TMEM234: variants seen among roughly 807,000 people sequenced by gnomAD.
The protein encoded by TMEM234 is transmembrane protein 234, also known as chromosome 1 open reading frame 91.
A neutral mutation model predicts 17.8 loss-of-function variants in TMEM234; 21 were observed. That is an observed-to-expected ratio of 1.18 (90% confidence interval 0.84 to 1.70). The LOEUF (loss-of-function observed/expected upper bound fraction) is 1.70. TMEM234 is among the 40% of genes most tolerant of loss of function. TMEM234 has a pLI of 0.00. For missense variants in TMEM234, 137 were observed against 166.9 expected, an observed-to-expected ratio of 0.82 and a Z score of 0.99; for synonymous variants, 83 against 73.5, an observed-to-expected ratio of 1.13 and a Z score of -0.66.
downstream of TMEM234, chr1:32,216,187 TACTA>T: frequency 1.2e-6 from 1 of 835,128 alleles, no homozygotes; most frequent in Admixed American, 2.9e-5. Flanking sequence ...AAAGAATACT[TACTA>T]ACCTCTTGTC....
Position 32,221,163 on chromosome 1 carries a change from G to A in TMEM234, c.203C>T (p.Ser68Phe). The change falls in exon 3 of 5, where the codon TCC becomes TTC. Residue 68 changes from serine to phenylalanine, a missense_variant. Ser to Phe is a radical substitution (Grantham distance 155). Transcript: ENST00000309777. ...LMPFLLNQCG[S>F]LLYYLTLAST... ...TGCCAAGGTGAGGTAATAGAGAAGG[G>A]ATCCACACTGGTTGAGGAGAAAGGG... 1 of 1,613,754 alleles carries A rather than the reference G, an allele frequency of 6.2e-7. No homozygotes were observed.
At chr1:32,215,668 C>T (rs1471302414), downstream of TMEM234, 4 of 1,116,422 alleles carry the variant, frequency 3.6e-6, no homozygotes, top group Admixed American at 5.4e-5. Context: ...CTCCTAACTT[C>T]CTACCTTGTT....
downstream of TMEM234, chr1:32,214,762 G>T: frequency 6.2e-7 from 1 of 1,612,070 alleles, no homozygotes; most frequent in African/African-American, 1.3e-5. Context: ...AGAATGGCCA[G>T]CAATCAGGGT....
intron 3 of TMEM234, among the ~76,000 whole-genome samples, chr1:32,220,679 A>G (rs1227644844): frequency 1.3e-5 from 2 of 152,204 alleles, no homozygotes; most frequent in Non-Finnish European, 2.9e-5. Flanking sequence ...TGTCAAGAGA[A>G]AGGAAATTTA....
At chr1:32,220,732 G>A (rs1418883540) in intron 3 of TMEM234, among the ~76,000 whole-genome samples, 4 of 152,176 alleles carry the variant, frequency 2.6e-5, no homozygotes, top group African/African-American at 9.7e-5. Context: ...TCTCCTAGAT[G>A]TTTCCCATTC....
In TMEM234 at chr1:32,216,838, G is replaced by T. The variant is rs746045850; in HGVS notation, c.*15C>A. On this transcript the variant is annotated 3_prime_UTR_variant, in exon 5 of 5. Coordinates refer to ENST00000309777, the MANE Select transcript of TMEM234 (RefSeq NM_019118.5). ...CTTCCTGGAGGCAGCAGAGCTGGAA[G>T]TGGGTTCGGCCCACTCAAAGGGTAG... is the stretch of plus-strand genomic sequence containing the variant. 1 of 1,613,910 alleles carries T rather than the reference G, an allele frequency of 6.2e-7. No individual in the cohort carries two copies. Among genetic ancestry groups the T allele is most frequent in the Non-Finnish European group, 8.5e-7 (1 of 1,179,964 alleles).
chr1:32,221,159 A>T lies in TMEM234; in HGVS notation c.207T>A (p.Leu69=). 6.2e-7 allele frequency: 1 copy of T among 1,613,540 alleles called. No homozygotes were observed. Among genetic ancestry groups the T allele is most frequent in the Non-Finnish European group, 8.5e-7 (1 of 1,179,836 alleles). ...TCGATGCCAAGGTGAGGTAATAGAGAAGGGATCCACACTGGTTGAGGAGAA... is the reference window on the plus strand; with the variant it reads ...TCGATGCCAAGGTGAGGTAATAGAGTAGGGATCCACACTGGTTGAGGAGAA... ...MPFLLNQCGS[L]LYYLTLASTD... The change falls in exon 3 of 5, where the codon CTT becomes CTA. Residue 69 remains leucine (L), a synonymous_variant. Coordinates refer to ENST00000309777, the MANE Select transcript of TMEM234 (RefSeq NM_019118.5).
intron 3 of TMEM234, among the ~76,000 whole-genome samples, chr1:32,219,390 C>A (rs1309329624): frequency 6.6e-6 from 1 of 152,048 alleles, no homozygotes; most frequent in African/African-American, 2.4e-5. Context: ...GGTTGTTTTT[C>A]GTTTTTGTTG....
intron 4 of TMEM234, 29 bp downstream of exon 4, chr1:32,217,230 C>T (rs1425128783): frequency 9.3e-6 from 15 of 1,614,092 alleles, no homozygotes; most frequent in Admixed American, 5.0e-5. Context: ...CACAGAGCTG[C>T]GTCCCGCACT....
intron 3 of TMEM234, among the ~76,000 whole-genome samples, chr1:32,218,928 G>T (rs971747652): frequency 6.6e-5 from 10 of 151,720 alleles, no homozygotes; most frequent in Non-Finnish European, 1.3e-4. Flanking sequence ...ACACAGCAAG[G>T]CTCCATCTCA....
chr1:32,221,856 C>G lies in TMEM234; in HGVS notation c.168+11G>C, dbSNP rs368009563. On this transcript the variant is annotated intron_variant, in intron 2 of 4. Transcript: ENST00000309777. Reference sequence around the variant, plus strand: ...ACTCCACCGAGAGAGGGGCCTTTCACAGAGACGCACCTCAGTATTCAAGAA... The same window carrying G: ...ACTCCACCGAGAGAGGGGCCTTTCAGAGAGACGCACCTCAGTATTCAAGAA... The G allele has an allele frequency of 5.3e-5, 86 of 1,612,882 alleles. No individual in the cohort carries two copies. Among genetic ancestry groups the G allele is most frequent in the Non-Finnish European group, 6.9e-5 (82 of 1,179,920 alleles).
downstream of TMEM234, chr1:32,215,273 G>A (rs570202498): frequency 4.7e-6 from 3 of 634,068 alleles, no homozygotes; most frequent in Admixed American, 9.4e-5. Flanking sequence ...TAGAGGGGAT[G>A]GGGGTGGGAC....
intron 2 of TMEM234, 44 bp from the exon 3 acceptor site, chr1:32,221,241 A>G (rs1488007183): frequency 6.8e-7 from 1 of 1,464,722 alleles, no homozygotes; most frequent in Non-Finnish European, 9.5e-7. Flanking sequence ...GGCCTGACTG[A>G]GCAGCACTGC....
intron 2 of TMEM234, 68 bp downstream of exon 2, chr1:32,221,799 G>A: frequency 6.3e-7 from 1 of 1,597,910 alleles, no homozygotes; most frequent in Non-Finnish European, 8.5e-7. Flanking sequence ...ACCCAGACCT[G>A]TTTGACTCCA....
Position 32,222,313 on chromosome 1 carries a change from A to T in TMEM234, c.10T>A (p.Ser4Thr), listed in dbSNP as rs143946310. 9.7e-5 allele frequency: 152 copies of T among 1,561,672 alleles called. No individual in the cohort carries two copies. Among genetic ancestry groups the T allele is most frequent in the Admixed American group, 5.8e-5 (3 of 51,416 alleles). Residue 4 changes from serine (S) to threonine (T), a missense_variant, in exon 1 of 5, where the codon TCT (serine) becomes ACT (threonine). Transcript: ENST00000309777. MAA[S>T]LGQVLALVLV... Reference sequence around the variant, plus strand: ...GGCGGGGCCGGCTACCTACCCAGAGACGCCGCCATGGCAACGCCGCTGTCT... The same window carrying T: ...GGCGGGGCCGGCTACCTACCCAGAGTCGCCGCCATGGCAACGCCGCTGTCT...
In TMEM234 at chr1:32,221,722, T is replaced by C. The variant is rs1638927686; in HGVS notation, c.168+145A>G. On this transcript the variant is annotated intron_variant, in intron 2 of 4. Coordinates refer to ENST00000309777, the MANE Select transcript of TMEM234 (RefSeq NM_019118.5). Reference sequence around the variant, plus strand: ...TATTATTATAATCGCCATTTACAGATGATGAAACTGAGGCTCAAGGACAAC... The same window carrying C: ...TATTATTATAATCGCCATTTACAGACGATGAAACTGAGGCTCAAGGACAAC... 6 of 1,104,092 alleles carry C rather than the reference T, an allele frequency of 5.4e-6. No homozygotes were observed. The Middle Eastern group carries it at 6.5e-4, about 119-fold the overall frequency. 68.4% of individuals were successfully genotyped at this position (1,104,092 alleles called of 1,614,324 possible).
At chr1:32,215,119 A>T, downstream of TMEM234, 1 of 840,742 alleles carries the variant, frequency 1.2e-6, no homozygotes, top group Non-Finnish European at 1.8e-6. Flanking sequence ...GTAAAAAAAA[A>T]AAAAGCTGGT....
downstream of TMEM234, chr1:32,215,866 T>G (rs370602905): frequency 7.7e-6 from 12 of 1,550,910 alleles, no homozygotes; most frequent in African/African-American, 1.7e-4. Context: ...GGGGCTGCTA[T>G]CTCAGCCTCA....
At chr1:32,215,386 A>C, downstream of TMEM234, 1 of 1,460,606 alleles carries the variant, frequency 6.8e-7, no homozygotes, top group South Asian at 1.2e-5. Flanking sequence ...CCAGGGCAGG[A>C]ATGCTGAGGG....
Sources: gnomAD v4.1 joint callset for allele counts (sites outside exome capture counted in the v4.1 genomes callset) on GRCh38, gnomAD v4.1.1 for gene constraint, MANE v1.5 for transcripts, NCBI Gene and HGNC (gene_info 2026-07-23, HGNC 2026-07-21) for gene names.